The following CLK4 variants were observed in gnomAD, a reference collection of about 807,000 sequenced individuals.
CLK4 encodes CDC like kinase 4.
CLK4 carries 37 observed loss-of-function variants against 64.4 expected under a neutral mutation model. The observed-to-expected ratio is 0.57, with a 90% CI of 0.44 to 0.76. CLK4 has a LOEUF of 0.76. CLK4 is among the 30% of genes least tolerant of loss of function. The pLI is 0.00. For missense variants in CLK4, 457 were observed against 605.1 expected (o/e 0.76, Z 2.57); for synonymous variants, 175 against 191.6 (o/e 0.91, Z 0.72).
intron 8 of CLK4, 37 bp from the exon 9 acceptor site, chr5:178,612,582 A>C: frequency 6.2e-7 from 1 of 1,604,342 alleles, no homozygotes; most frequent in South Asian, 1.1e-5. Flanking sequence ...GAAACTCAAT[A>C]GATACATTTT....
chr5:178,621,309 TTA>T (rs1196744739), intron 2 of CLK4, among the ~76,000 whole-genome samples: 2 of 152,166 alleles, frequency 1.3e-5, no homozygotes, highest in African/African-American at 4.8e-5. Context: ...ACTTGATACT[TTA>T]TGTTACAGGC....
At chr5:178,608,616 T>C (rs749952224) in intron 9 of CLK4, among the ~76,000 whole-genome samples, 158 bp from the exon 10 acceptor site, 1 of 152,350 alleles carries the variant, frequency 6.6e-6, no homozygotes, top group African/African-American at 2.4e-5. Flanking sequence ...GCAAATGCTA[T>C]TCAACACACT....
chr5:178,618,874 T>C, intron 2 of CLK4, 96 bp from the exon 3 acceptor site: 1 of 863,176 alleles, frequency 1.2e-6, no homozygotes, highest in Non-Finnish European at 1.8e-6. Flanking sequence ...AACAGCTAAC[T>C]CAATATAAGA....
chr5:178,618,880 T>A (rs1396362232), intron 2 of CLK4, 102 bp from the exon 3 acceptor site: 6 of 822,136 alleles, frequency 7.3e-6, no homozygotes, highest in Non-Finnish European at 1.1e-5. Flanking sequence ...TAACTCAATA[T>A]AAGAAAAAAA....
intron 8 of CLK4, 52 bp from the exon 9 acceptor site, chr5:178,612,597 C>T (rs368574938): frequency 6.4e-6 from 10 of 1,574,086 alleles, no homozygotes; most frequent in Middle Eastern, 3.6e-4. Context: ...CATTTTATAG[C>T]GCTACTCAAA....
At position 178,612,906 on chromosome 5, in the gene CLK4, A is replaced by G. The variant is rs1409404099; in HGVS notation, c.827-16T>C. 2 of 1,292,334 alleles carry G rather than the reference A, an allele frequency of 1.5e-6. No individual in the cohort carries two copies. The highest frequency in any genetic ancestry group is 1.9e-5 in the Admixed American group (1 of 52,806). 80.1% of individuals were successfully genotyped at this position (1,292,334 alleles called of 1,614,324 possible). ...TGATGTAAAACTACAAGAGAACAAA[A>G]GCACATTATTAGTTTCACTTACAAA... On this transcript the variant is annotated splice_polypyrimidine_tract_variant and intron_variant, in intron 7 of 12. Transcript: ENST00000316308.
At chr5:178,622,130 G>A (rs915014499) in intron 2 of CLK4, 7 of 152,036 alleles carry the variant, frequency 4.6e-5, no homozygotes, top group Admixed American at 2.6e-4. Context: ...TATATACAAC[G>A]TATAATTATC....
chr5:178,621,073 T>C (rs1041160061), intron 2 of CLK4, among the ~76,000 whole-genome samples: 1 of 152,168 alleles, frequency 6.6e-6, no homozygotes, highest in Admixed American at 6.5e-5. Context: ...TAGGGGAATG[T>C]AGACAAATAA....
chr5:178,603,449 T>C lies in CLK4; in HGVS notation c.*168A>G. On this transcript the variant is annotated 3_prime_UTR_variant, in exon 13 of 13. Coordinates refer to ENST00000316308, the MANE Select transcript of CLK4 (RefSeq NM_020666.3). The stretch of plus-strand genomic sequence containing the variant: ...TTTTTCTAATGCATTATCAAGACCA[T>C]ACTTGCTTAACAAGTTAATTATGCT... The C allele has an allele frequency of 2.2e-6, 1 of 447,972 alleles. No homozygotes were observed. Among genetic ancestry groups the C allele is most frequent in the Non-Finnish European group, 3.8e-6 (1 of 263,442 alleles). The allele number at this position is 447,972 out of a possible 1,614,324, so 27.7% of individuals were successfully genotyped here. A position where few individuals can be genotyped will look rare whatever the true frequency, so the allele number is the denominator to read the frequency against.
chr5:178,614,305 A>G (rs1416869997), intron 5 of CLK4, among the ~76,000 whole-genome samples: 3 of 152,202 alleles, frequency 2.0e-5, no homozygotes, highest in Non-Finnish European at 4.4e-5. Context: ...TCTTCACAGA[A>G]GAGGTGACAC....
At chr5:178,610,192 A>T (rs534727752) in intron 9 of CLK4, among the ~76,000 whole-genome samples, 5 of 151,848 alleles carry the variant, frequency 3.3e-5, no homozygotes, top group Non-Finnish European at 7.4e-5. Context: ...TGGGAGGCTG[A>T]CACAGGAGAA....
chr5:178,612,706 G>C (rs1212613243), intron 8 of CLK4, 90 bp downstream of exon 8: 16 of 1,059,202 alleles, frequency 1.5e-5, no homozygotes, highest in Non-Finnish European at 2.2e-5. Flanking sequence ...GATATAATAA[G>C]GCTCAGAAGT....
At chr5:178,618,092 T>C (rs1199043200) in intron 3 of CLK4, 1 of 152,188 alleles carries the variant, frequency 6.6e-6, no homozygotes, top group East Asian at 1.9e-4. Context: ...TCAAAAGAAT[T>C]CATTGCAGAC....
chr5:178,612,625 A>AT, intron 8 of CLK4, 80 bp from the exon 9 acceptor site: 1 of 1,422,454 alleles, frequency 7.0e-7, no homozygotes, highest in African/African-American at 1.4e-5. Flanking sequence ...CACATGAATT[A>AT]TCTTCTTGAT....
chr5:178,623,382 C>CA lies in CLK4; in HGVS notation c.34dup (p.Trp12LeufsTer3). On this transcript the variant is annotated frameshift_variant, in exon 2 of 13. Transcript: ENST00000316308. LOFTEE classifies it high-confidence loss of function. ...ATGTCCCCAGCTTTCTCTGCTATCC[C>CA]AATCAGGACAGTGAGTTCTTTTGGA... is the stretch of plus-strand genomic sequence containing the variant. The CA allele has an allele frequency of 6.2e-7, 1 of 1,613,666 alleles. No individual in the cohort carries two copies. Among genetic ancestry groups the CA allele is most frequent in the Non-Finnish European group, 8.5e-7 (1 of 1,179,884 alleles).
chr5:178,603,792 A>G, intron 12 of CLK4, 35 bp from the exon 13 acceptor site: 1 of 1,579,978 alleles, frequency 6.3e-7, no homozygotes, highest in Non-Finnish European at 8.6e-7. Flanking sequence ...AAAAAAAATT[A>G]TTAATAGTGC....
At chr5:178,622,480 G>C (rs1291335025) in intron 2 of CLK4, 1 of 969,998 alleles carries the variant, frequency 1.0e-6, no homozygotes, top group Non-Finnish European at 1.2e-6. Flanking sequence ...CGAGAAAACA[G>C]AACCAACAAA....
chr5:178,605,412 A>G (rs769948857), intron 10 of CLK4, 30 bp from the exon 11 acceptor site: 34 of 1,309,354 alleles, frequency 2.6e-5, no homozygotes, highest in Non-Finnish European at 3.6e-5. Flanking sequence ...GAAATTTAGT[A>G]CTCTCCATTT....
intron 2 of CLK4, among the ~76,000 whole-genome samples, chr5:178,621,087 A>C (rs1381688692): frequency 6.6e-6 from 1 of 152,210 alleles, no homozygotes; most frequent in East Asian, 1.9e-4. Flanking sequence ...CAAATAAGTA[A>C]GCTGAGAATA....
Sources: allele counts gnomAD v4.1 joint callset (sites outside exome capture counted in the v4.1 genomes callset), GRCh38; gene constraint gnomAD v4.1.1; transcripts MANE v1.5; gene names NCBI Gene and HGNC (gene_info 2026-07-23, HGNC 2026-07-21).